TYW5: variants seen among roughly 807,000 people sequenced by gnomAD.
TYW5 encodes tRNA wybutosine-synthesizing protein 5.
TYW5 carries 36 observed loss-of-function variants against 44.4 expected under a neutral mutation model. The observed-to-expected ratio is 0.81, with a 90% CI of 0.62 to 1.07. TYW5 has a LOEUF of 1.07. Among genes scored for constraint, TYW5 ranks in the 50% least tolerant of loss-of-function variants. The probability of loss-of-function intolerance (pLI) is 0.00; values close to 1 mark genes in which losing one functional copy is unlikely to be tolerated. For synonymous variants in TYW5, 121 were observed against 128.1 expected (o/e 0.94, Z 0.37); for missense variants, 354 against 365.7 (o/e 0.97, Z 0.26).
chr2:199,943,684 G>T, intron 3 of TYW5, 81 bp downstream of exon 3: 1 of 1,106,976 alleles, frequency 9.0e-7, no homozygotes, highest in Non-Finnish European at 1.3e-6. Context: ...TTGCTCTTGT[G>T]TATCTACTAT....
At position 199,931,540 on chromosome 2, in the gene TYW5, T is replaced by A. The variant is rs2077377959; in HGVS notation, c.*1527A>T. 6.6e-6 allele frequency: 1 copy of A among 152,204 alleles called. No individual in the cohort carries two copies. The highest frequency in any genetic ancestry group is 2.1e-4 in the South Asian group (1 of 4,836). The allele number at this position is 152,204 out of a possible 1,614,324, so 9.4% of individuals were successfully genotyped here. On this transcript the variant is annotated 3_prime_UTR_variant, in exon 8 of 8. Transcript: ENST00000354611. ...CAGTAAAGAAGTTCTTTGCTTTGCT[T>A]AATGAAGATCAAAACCTGGTAATTA...
intron 7 of TYW5, among the ~76,000 whole-genome samples, chr2:199,934,703 A>G (rs1001885805): frequency 2.6e-5 from 4 of 152,070 alleles, no homozygotes; most frequent in African/African-American, 9.6e-5. Flanking sequence ...TTCTTAATAG[A>G]TTAATTTAAA....
At chr2:199,946,958 G>A (rs1014211855) in intron 2 of TYW5, 3 of 152,164 alleles carry the variant, frequency 2.0e-5, no homozygotes, top group Admixed American at 6.5e-5. Context: ...GTACTCATTT[G>A]TTATGGCATT....
chr2:199,954,247 G>T (rs1463899342), intron 1 of TYW5, among the ~76,000 whole-genome samples: 2 of 151,364 alleles, frequency 1.3e-5, no homozygotes, highest in Non-Finnish European at 2.9e-5. Flanking sequence ...GAATACAGGC[G>T]TGCGCCACCA....
At chr2:199,939,410 T>C (rs140455533) in intron 4 of TYW5, among the ~76,000 whole-genome samples, 148 of 152,322 alleles carry the variant, frequency 9.7e-4, no homozygotes, top group African/African-American at 3.2e-3. Context: ...GGCCGATACA[T>C]GATCTTTCAA....
At chr2:199,946,008 G>C (rs1170630750) in intron 2 of TYW5, 3 of 152,208 alleles carry the variant, frequency 2.0e-5, no homozygotes, top group Non-Finnish European at 4.4e-5. Flanking sequence ...TAATGTCAAA[G>C]AAGGCTTAAT....
rs749877000 is a variant in TYW5 at position 199,939,069 on chromosome 2, T to C, written c.350A>G (p.Asp117Gly). 5 of 1,596,042 alleles carry C rather than the reference T, an allele frequency of 3.1e-6. No homozygotes were observed. In the Admixed American group the frequency reaches 9.3e-5, roughly 30 times the overall value. The change falls in exon 5 of 8, where the codon GAT becomes GGT. Residue 117 changes from aspartate (D) to glycine (G), a missense_variant and splice_region_variant. Asp to Gly is a moderately conservative substitution (Grantham distance 94, BLOSUM62 -1). Coordinates refer to ENST00000354611, the MANE Select transcript of TYW5 (RefSeq NM_001039693.3). ...AAACTGCTTTCTGATATCTGCAACATCCTGCATTTACAGAAACATAAAAAG... is the reference window on the plus strand; with the variant it reads ...AAACTGCTTTCTGATATCTGCAACACCCTGCATTTACAGAAACATAAAAAG... Reference protein sequence around the residue: ...LRSLGEDPRKDVADIRKQFPL... With the variant: ...LRSLGEDPRKGVADIRKQFPL...
At position 199,933,129 on chromosome 2, in the gene TYW5, A is replaced by G. The variant is rs767609562; in HGVS notation, c.886T>C (p.Phe296Leu). The G allele has an allele frequency of 6.2e-7, 1 of 1,614,164 alleles. No individual in the cohort carries two copies. The highest frequency in any genetic ancestry group is 1.7e-5 in the Admixed American group (1 of 60,014). The change falls in exon 8 of 8, where the codon TTC becomes CTC. Residue 296 changes from phenylalanine (F) to leucine (L), a missense_variant. Physicochemically the swap from Phe to Leu is conservative, Grantham distance 22. Coordinates refer to ENST00000354611, the MANE Select transcript of TYW5 (RefSeq NM_001039693.3). Reference protein sequence around the residue: ...LAELPEEYRDFYARRMVLHIQ... With the variant: ...LAELPEEYRDLYARRMVLHIQ... Reference sequence around the variant, plus strand: ...TGTAGGACCATTCGTCGTGCATAGAAGTCCCTATATTCCTCTGGTAACTCG... The same window carrying G: ...TGTAGGACCATTCGTCGTGCATAGAGGTCCCTATATTCCTCTGGTAACTCG...
rs1384115385 is a variant in TYW5 at position 199,930,989 on chromosome 2, T to C, written c.*2078A>G. 1 of 152,188 alleles carries C rather than the reference T, an allele frequency of 6.6e-6. No individual in the cohort carries two copies. The highest frequency in any genetic ancestry group is 1.5e-5 in the Non-Finnish European group (1 of 68,026). 9.4% of individuals were successfully genotyped at this position (152,188 alleles called of 1,614,324 possible). On this transcript the variant is annotated 3_prime_UTR_variant, in exon 8 of 8. Transcript: ENST00000354611. The stretch of plus-strand genomic sequence containing the variant: ...AACATCTCATTTGGTCTTAACCCAG[T>C]AGGAAGAAAAGATTAAAATATTTTG...
At chr2:199,938,167 C>T (rs946566626) in intron 5 of TYW5, among the ~76,000 whole-genome samples, 1 of 151,796 alleles carries the variant, frequency 6.6e-6, no homozygotes, top group Non-Finnish European at 1.5e-5. Flanking sequence ...TGGATTCACG[C>T]CATTCTCCTG....
chr2:199,937,779 G>C (rs956176365), intron 5 of TYW5, among the ~76,000 whole-genome samples: 1 of 152,154 alleles, frequency 6.6e-6, no homozygotes, highest in Non-Finnish European at 1.5e-5. Flanking sequence ...AATATGCTAA[G>C]AGTTCATGTC....
chr2:199,933,342 A>G lies in TYW5; in HGVS notation c.692-19T>C, dbSNP rs1261484584. On this transcript the variant is annotated intron_variant, in intron 7 of 7. Coordinates refer to ENST00000354611, the MANE Select transcript of TYW5 (RefSeq NM_001039693.3). ...CATAAAGCTGGAGAAAGTTTAAAAA[A>G]CAAGTTAAAAATAAAACCTACAGTT... 8 of 1,573,918 alleles carry G rather than the reference A, an allele frequency of 5.1e-6. No individual in the cohort carries two copies. Among genetic ancestry groups the G allele is most frequent in the Non-Finnish European group, 6.9e-6 (8 of 1,164,604 alleles).
chr2:199,932,877 A>C lies in TYW5; in HGVS notation c.*190T>G. ...TGGACTTTTAGTGGTCAGCATCTGA[A>C]TGTTAAAGAGTGGTCCCAGCACAGC... is the stretch of plus-strand genomic sequence containing the variant. On this transcript the variant is annotated 3_prime_UTR_variant, in exon 8 of 8. Coordinates refer to ENST00000354611, the MANE Select transcript of TYW5 (RefSeq NM_001039693.3). The C allele has an allele frequency of 3.2e-6, 2 of 618,896 alleles. No homozygotes were observed. 38.3% of individuals were successfully genotyped at this position (618,896 alleles called of 1,614,324 possible). A position where few individuals can be genotyped will look rare whatever the true frequency, so the allele number is the denominator to read the frequency against.
intron 7 of TYW5, among the ~76,000 whole-genome samples, chr2:199,933,569 T>A (rs1034096406): frequency 3.9e-5 from 6 of 152,202 alleles, no homozygotes; most frequent in Non-Finnish European, 8.8e-5. Flanking sequence ...AATTTTTCCT[T>A]TAAACTTGAA....
Position 199,931,272 on chromosome 2 carries a change from T to G in TYW5, c.*1795A>C, listed in dbSNP as rs925848621. ...GGAAAATAAGCTTCATAGATAAATGTTATTTTGTCTAAGGTCATCCAGTTT... is the reference window on the plus strand; with the variant it reads ...GGAAAATAAGCTTCATAGATAAATGGTATTTTGTCTAAGGTCATCCAGTTT... On this transcript the variant is annotated 3_prime_UTR_variant, in exon 8 of 8. Transcript: ENST00000354611. 6.6e-6 allele frequency: 1 copy of G among 152,170 alleles called. No homozygotes were observed. The highest frequency in any genetic ancestry group is 2.4e-5 in the African/African-American group (1 of 41,450). The allele number at this position is 152,170 out of a possible 1,614,324, so 9.4% of individuals were successfully genotyped here.
chr2:199,952,343 C>T (rs934248305), intron 1 of TYW5, among the ~76,000 whole-genome samples: 1 of 152,152 alleles, frequency 6.6e-6, no homozygotes, highest in African/African-American at 2.4e-5. Flanking sequence ...TTCTTCAGGG[C>T]ATCACCAAGA....
At chr2:199,948,282 ATTTG>A (rs778852767) in intron 2 of TYW5, 32 bp downstream of exon 2, 391 of 1,607,318 alleles carry the variant, frequency 2.4e-4, no homozygotes, top group Non-Finnish European at 2.8e-4. Flanking sequence ...TTAAAAAGTT[ATTTG>A]TATCCCCAGA....
chr2:199,955,144 C>T (rs2077585500), intron 1 of TYW5, among the ~76,000 whole-genome samples: 1 of 152,192 alleles, frequency 6.6e-6, no homozygotes, highest in African/African-American at 2.4e-5. Flanking sequence ...AAATACCTCT[C>T]GCACTCAGCT....
chr2:199,937,680 A>G (rs981818762), intron 5 of TYW5, among the ~76,000 whole-genome samples: 5 of 152,148 alleles, frequency 3.3e-5, no homozygotes, highest in African/African-American at 1.2e-4. Context: ...AAAAACAACA[A>G]CAACAATCAT....
Sources: gnomAD v4.1 joint callset for allele counts (sites outside exome capture counted in the v4.1 genomes callset) on GRCh38, gnomAD v4.1.1 for gene constraint, MANE v1.5 for transcripts, NCBI Gene and HGNC (gene_info 2026-07-23, HGNC 2026-07-21) for gene names.